SLC6A12: variants seen among roughly 807,000 people sequenced by gnomAD.
SLC6A12 encodes solute carrier family 6 member 12.
In SLC6A12, 50 loss-of-function variants were observed where a neutral mutation model predicts 73.3. The ratio of observed to expected loss-of-function variants is 0.68; its 90% CI spans 0.54 to 0.86. SLC6A12 has a LOEUF of 0.86. Ranked by LOEUF, SLC6A12 falls within the 40% of genes least tolerant of loss-of-function variation. The probability of loss-of-function intolerance (pLI) is 0.00; values close to 1 mark genes in which losing one functional copy is unlikely to be tolerated. For missense variants in SLC6A12, 648 were observed against 772.8 expected (o/e 0.84, Z 1.92); for synonymous variants, 304 against 309.2 (o/e 0.98, Z 0.18).
At chr12:209,325 G>A (rs1940806425) in intron 3 of SLC6A12, among the ~76,000 whole-genome samples, 1 of 152,108 alleles carries the variant, frequency 6.6e-6, no homozygotes, top group Non-Finnish European at 1.5e-5. Context: ...AGACCACGCG[G>A]AACCGTTTGT....
intron 7 of SLC6A12, chr12:199,571 T>C (rs982137872): frequency 6.6e-6 from 1 of 152,538 alleles, no homozygotes; most frequent in African/African-American, 2.4e-5. Flanking sequence ...GCAGTGGTAC[T>C]GTCTGTGCTG....
chr12:187,665 G>T (rs185987364), downstream of SLC6A12, among the ~76,000 whole-genome samples: 33 of 132,416 alleles, frequency 2.5e-4, no homozygotes, highest in East Asian at 7.1e-3. Context: ...TGCACACAAC[G>T]CGACCCCAGC....
chr12:188,687 A>C (rs79989664), downstream of SLC6A12, among the ~76,000 whole-genome samples: 1 of 48,930 alleles, frequency 2.0e-5, no homozygotes, highest in African/African-American at 1.2e-4. Context: ...GCACACCCAC[A>C]CACACACAGG....
Position 204,840 on chromosome 12 carries a change from C to T in SLC6A12, c.215-142G>A, listed in dbSNP as rs539329023. 1.2e-4 allele frequency: 101 copies of T among 869,182 alleles called. No individual in the cohort carries two copies. In the South Asian group the frequency reaches 1.6e-3, roughly 14 times the overall value. The allele number at this position is 869,182 out of a possible 1,614,324, so 53.8% of individuals were successfully genotyped here. ...TCCTGACACTTTCCAAGGGCCCACTCCTGCCTGCGTGCAGTCCTGAGTGTT... is the reference window on the plus strand; with the variant it reads ...TCCTGACACTTTCCAAGGGCCCACTTCTGCCTGCGTGCAGTCCTGAGTGTT... On this transcript the variant is annotated intron_variant, in intron 3 of 15. Transcript: ENST00000684302.
chr12:187,589 C>CAAAAAAAAGAAAA (rs1939454062), downstream of SLC6A12, among the ~76,000 whole-genome samples: 1 of 106,074 alleles, frequency 9.4e-6, no homozygotes, highest in African/African-American at 5.3e-5. Flanking sequence ...TGCAAAAGAG[C>CAAAAAAAAGAAAA]AAAAAAAAAA....
chr12:202,196 G>T (rs141131314), intron 5 of SLC6A12, among the ~76,000 whole-genome samples: 5 of 152,080 alleles, frequency 3.3e-5, no homozygotes, highest in African/African-American at 1.2e-4. Context: ...AAGGGACTGC[G>T]GCCCTGCACC....
Position 196,876 on chromosome 12 carries a change from C to T in SLC6A12, c.1082G>A (p.Gly361Glu), listed in dbSNP as rs753369628. ...PISEVAESGPGLAFIAFPKAV... is the reference protein window; with the variant it reads ...PISEVAESGPELAFIAFPKAV... ...CTTGGGGAAGGCGATGAAGGCCAGC[C>T]CAGGACCTGCCAGGTACACAGCACA... is the stretch of plus-strand genomic sequence containing the variant. Residue 361 changes from glycine to glutamate, a missense_variant, in exon 11 of 16, where the codon GGG becomes GAG. Transcript: ENST00000684302. 6 of 1,611,960 alleles carry T rather than the reference C, an allele frequency of 3.7e-6. No individual in the cohort carries two copies. The highest frequency in any genetic ancestry group is 3.4e-6 in the Non-Finnish European group (4 of 1,178,478).
At chr12:186,532 G>A (rs534214251), downstream of SLC6A12, among the ~76,000 whole-genome samples, 1 of 152,334 alleles carries the variant, frequency 6.6e-6, no homozygotes, top group Admixed American at 6.5e-5. Flanking sequence ...TAGTCCCTGT[G>A]TCAGCCAGGG....
At chr12:196,954 A>G (rs1002586116) in intron 10 of SLC6A12, 72 bp from the exon 11 acceptor site, 18 of 1,023,128 alleles carry the variant, frequency 1.8e-5, no homozygotes, top group African/African-American at 1.4e-4. Context: ...CGTCTCTCTA[A>G]GCACTGTGTG....
intron 7 of SLC6A12, among the ~76,000 whole-genome samples, chr12:200,148 G>A (rs770090752): frequency 3.4e-4 from 43 of 127,990 alleles, no homozygotes; most frequent in South Asian, 7.4e-4. Context: ...TCTGGCTGTC[G>A]CCCAGGCTGG....
At chr12:192,396 G>A in intron 15 of SLC6A12, 82 bp downstream of exon 15, 1 of 1,252,778 alleles carries the variant, frequency 8.0e-7, no homozygotes, top group Non-Finnish European at 1.1e-6. Context: ...TCTGCTCCCT[G>A]GCCCCAGTTG....
At chr12:200,566 A>C in intron 7 of SLC6A12, 85 bp downstream of exon 7, 1 of 1,428,586 alleles carries the variant, frequency 7.0e-7, no homozygotes, top group East Asian at 2.3e-5. Context: ...AATAGAAAGA[A>C]ATCAGTTCTC....
At chr12:187,207 A>G (rs559759), downstream of SLC6A12, among the ~76,000 whole-genome samples, 80,600 of 151,922 alleles carry the variant, frequency 0.53, 22,698 homozygotes, top group African/African-American at 0.73. Flanking sequence ...CACCAAAGGA[A>G]ACGAGATGAA....
At chr12:201,621 G>C in intron 6 of SLC6A12, 141 bp downstream of exon 6, 1 of 673,660 alleles carries the variant, frequency 1.5e-6, no homozygotes. Context: ...CCTCAGTGAT[G>C]TGTGGGGTTG....
In SLC6A12 at chr12:200,799, A is replaced by AAAT; in HGVS notation, c.579-19_579-17dup. The AAAT allele has an allele frequency of 6.2e-7, 1 of 1,611,820 alleles. No individual in the cohort carries two copies. On this transcript the variant is annotated splice_polypyrimidine_tract_variant and intron_variant, in intron 6 of 15. Coordinates refer to ENST00000684302, the MANE Select transcript of SLC6A12 (RefSeq NM_001122848.3). ...AACTCGTCTCCTGGAGGATTGGGAA[A>AAAT]AATAAGTAATGAGGGGAAAGGCTAA...
chr12:186,319 A>G, downstream of SLC6A12, among the ~76,000 whole-genome samples: 1 of 152,190 alleles, frequency 6.6e-6, no homozygotes, highest in Admixed American at 6.5e-5. Context: ...GAGGCCTTCC[A>G]CCGGCAGCCA....
At chr12:193,650 C>T (rs981500514) in intron 13 of SLC6A12, among the ~76,000 whole-genome samples, 1 of 152,232 alleles carries the variant, frequency 6.6e-6, no homozygotes, top group African/African-American at 2.4e-5. Flanking sequence ...ATGGAGACCC[C>T]ACTGGTCTAA....
chr12:196,281 C>T lies in SLC6A12; in HGVS notation c.1189-20G>A, dbSNP rs768733098. 1 of 1,604,958 alleles carries T rather than the reference C, an allele frequency of 6.2e-7. No homozygotes were observed. The highest frequency in any genetic ancestry group is 1.7e-5 in the Admixed American group (1 of 58,774). ...GACAAACTGTGGGCCAGGAGGGGAA[C>T]TGGATGAGAGGGTGTGGGGCGGGCT... On this transcript the variant is annotated intron_variant, in intron 11 of 15. Coordinates refer to ENST00000684302, the MANE Select transcript of SLC6A12 (RefSeq NM_001122848.3).
chr12:187,589 C>CAACAAAAAAAAA (rs1939453773), downstream of SLC6A12, among the ~76,000 whole-genome samples: 1 of 106,074 alleles, frequency 9.4e-6, no homozygotes, highest in African/African-American at 5.3e-5. Context: ...TGCAAAAGAG[C>CAACAAAAAAAAA]AAAAAAAAAA....
Sources: gnomAD v4.1 joint callset for allele counts (sites outside exome capture counted in the v4.1 genomes callset) on GRCh38, gnomAD v4.1.1 for gene constraint, MANE v1.5 for transcripts, NCBI Gene and HGNC (gene_info 2026-07-23, HGNC 2026-07-21) for gene names.